NCALD: variants seen among roughly 807,000 people sequenced by gnomAD.
NCALD encodes neurocalcin-delta.
Under a neutral mutation model 18.6 loss-of-function variants are expected in NCALD, and 10 were observed. The observed-to-expected ratio is 0.54, with a 90% CI of 0.33 to 0.91. NCALD has a LOEUF of 0.91. Among genes scored for constraint, NCALD ranks in the 40% least tolerant of loss-of-function variants. The pLI is 0.03. For missense variants in NCALD, 184 were observed against 247.6 expected, an observed-to-expected ratio of 0.74 and a Z score of 1.72; for synonymous variants, 88 against 87.4, an observed-to-expected ratio of 1.01 and a Z score of -0.04.
chr8:101,935,935 C>G (rs1006372542), intron 2 of NCALD, among the ~76,000 whole-genome samples: 1 of 151,910 alleles, frequency 6.6e-6, no homozygotes, highest in Non-Finnish European at 1.5e-5. Flanking sequence ...AGATGAGATG[C>G]GGAGCACACG....
intron 4 of NCALD, among the ~76,000 whole-genome samples, chr8:101,854,070 A>G (rs1815205341): frequency 6.6e-6 from 1 of 152,232 alleles, no homozygotes; most frequent in South Asian, 2.1e-4. Flanking sequence ...CTTGAGCCCC[A>G]GAAGAGGAGG....
chr8:102,063,827 CT>C (rs1823920298), intron 1 of NCALD, among the ~76,000 whole-genome samples: 1 of 152,204 alleles, frequency 6.6e-6, no homozygotes, highest in African/African-American at 2.4e-5. Context: ...ACCCAGCCAA[CT>C]TGCTCTTCCA....
intron 1 of NCALD, among the ~76,000 whole-genome samples, chr8:102,076,795 A>G (rs1467180142): frequency 1.3e-5 from 2 of 152,216 alleles, no homozygotes; most frequent in African/African-American, 2.4e-5. Context: ...AGGTAAGTAT[A>G]ATTACCTAAA....
chr8:101,756,439 A>C (rs1417527401), intron 1 of NCALD, among the ~76,000 whole-genome samples: 1 of 152,234 alleles, frequency 6.6e-6, no homozygotes, highest in African/African-American at 2.4e-5. Flanking sequence ...AATGAGTATC[A>C]GACTGTACCT....
intron 2 of NCALD, among the ~76,000 whole-genome samples, chr8:101,973,727 G>A (rs1820324273): frequency 6.6e-6 from 1 of 152,184 alleles, no homozygotes; most frequent in South Asian, 2.1e-4. Context: ...ATCAGAGCAA[G>A]AGTGGACCAT....
rs541949224 is a variant in NCALD, at chr8:101,835,704, G to C, written c.-20+51437C>G. ...GCTCATATGGTATACCTAGCTGTGT[G>C]TGTGAGTGTGTGTGCATGCGTGTGT... On this transcript the variant is annotated intron_variant, in intron 4 of 6. Coordinates refer to the NCALD transcript ENST00000311028. 4.6e-5 allele frequency among the ~76,000 whole-genome samples: 7 copies of C among 152,246 alleles called. No individual in the cohort carries two copies. The South Asian group carries it at 1.5e-3, about 32-fold the overall frequency.
chr8:101,698,194 G>A (rs1420523994), intron 2 of NCALD, among the ~76,000 whole-genome samples: 1 of 152,090 alleles, frequency 6.6e-6, no homozygotes, highest in Non-Finnish European at 1.5e-5. Flanking sequence ...TTGCTACAAA[G>A]AGAATAAAAT....
At chr8:101,720,866 G>A (rs1174858651) in intron 1 of NCALD, among the ~76,000 whole-genome samples, 1 of 152,198 alleles carries the variant, frequency 6.6e-6, no homozygotes, top group Admixed American at 6.5e-5. Context: ...TGGTTCTGTG[G>A]ATGCAGAATA....
At chr8:101,962,575 C>T (rs867902412) in intron 2 of NCALD, among the ~76,000 whole-genome samples, 17 of 152,100 alleles carry the variant, frequency 1.1e-4, no homozygotes, top group Middle Eastern at 3.2e-3. Context: ...GTCCCTAGAC[C>T]AGTAGCAATG....
chr8:102,085,432 A>G (rs1824705802), intron 1 of NCALD, among the ~76,000 whole-genome samples: 1 of 152,178 alleles, frequency 6.6e-6, no homozygotes, highest in Non-Finnish European at 1.5e-5. Flanking sequence ...TTTTTTAAAC[A>G]AATCTTCCTA....
At position 101,936,865 on chromosome 8, in the gene NCALD, T is replaced by C. The variant is rs1388493821; in HGVS notation, c.-156-21007A>G. Among the ~76,000 whole-genome samples the C allele has an allele frequency of 3.3e-5, 5 of 152,204 alleles. No individual in the cohort carries two copies. In the East Asian group the frequency reaches 7.7e-4, roughly 23 times the overall value. On this transcript the variant is annotated intron_variant, in intron 2 of 6. Coordinates refer to the NCALD transcript ENST00000311028. ...CCCAACTCTCTTCCACATGACCTCC[T>C]GCAGGACCTTGTCTCTTGTATCCTA...
intron 2 of NCALD, among the ~76,000 whole-genome samples, chr8:102,006,941 G>T (rs564264015): frequency 6.6e-6 from 1 of 152,160 alleles, no homozygotes; most frequent in Non-Finnish European, 1.5e-5. Context: ...ACAAGGCACC[G>T]CTCAGGCCAG....
chr8:101,732,385 A>G (rs964998247), intron 1 of NCALD, among the ~76,000 whole-genome samples: 4 of 152,018 alleles, frequency 2.6e-5, no homozygotes, highest in African/African-American at 9.7e-5. Flanking sequence ...GAGGCCACAA[A>G]TTCATTCGGT....
chr8:102,013,457 A>G (rs913544609), intron 2 of NCALD, among the ~76,000 whole-genome samples: 1 of 152,176 alleles, frequency 6.6e-6, no homozygotes, highest in African/African-American at 2.4e-5. Flanking sequence ...GATTTAGCAG[A>G]AAGAATATGC....
chr8:101,985,717 C>T lies in NCALD; in HGVS notation c.-157+34520G>A, dbSNP rs75537172. Among the ~76,000 whole-genome samples the T allele has an allele frequency of 7.9e-5, 12 of 152,304 alleles. No homozygotes were observed. The East Asian group carries it at 2.3e-3, about 29-fold the overall frequency. On this transcript the variant is annotated intron_variant, in intron 2 of 6. Coordinates refer to the NCALD transcript ENST00000311028. ...GGGCATTCCAAGCCCTGTCCCTTCA[C>T]GTTAGGATCCCTCAAACATTTCGTT...
At chr8:102,060,573 T>C (rs1396515768) in intron 1 of NCALD, among the ~76,000 whole-genome samples, 1 of 152,192 alleles carries the variant, frequency 6.6e-6, no homozygotes, top group Admixed American at 6.5e-5. Context: ...TCCTTTTCCA[T>C]TGACAATGGC....
chr8:101,971,713 C>G (rs556763324), intron 2 of NCALD, among the ~76,000 whole-genome samples: 1 of 152,184 alleles, frequency 6.6e-6, no homozygotes, highest in East Asian at 1.9e-4. Flanking sequence ...AAAGTGGTAC[C>G]AACTGGTTGC....
chr8:102,002,830 G>A (rs774625424), intron 2 of NCALD, among the ~76,000 whole-genome samples: 37 of 151,974 alleles, frequency 2.4e-4, no homozygotes, highest in Non-Finnish European at 4.6e-4. Flanking sequence ...TGAAACCAAC[G>A]AGAACAAAGA....
intron 4 of NCALD, among the ~76,000 whole-genome samples, chr8:101,821,719 A>C (rs991407414): frequency 6.6e-6 from 1 of 152,092 alleles, no homozygotes; most frequent in South Asian, 2.1e-4. Context: ...GCTGTCAAGA[A>C]ATTCAAGCAA....
Sources: allele counts gnomAD v4.1 joint callset (sites outside exome capture counted in the v4.1 genomes callset), GRCh38; gene constraint gnomAD v4.1.1; transcripts MANE v1.5; gene names NCBI Gene and HGNC (gene_info 2026-07-23, HGNC 2026-07-21).